CELF2: variants seen among roughly 807,000 people sequenced by gnomAD.
CELF2 encodes the protein CUG triplet repeat RNA-binding protein 2.
A neutral mutation model predicts 62.6 loss-of-function variants in CELF2; 8 were observed. The observed-to-expected ratio is 0.13, with a 90% confidence interval of 0.07 to 0.23. CELF2 has a LOEUF of 0.23. CELF2 is among the 10% of genes least tolerant of loss of function. The pLI, the probability that CELF2 is intolerant of heterozygous loss-of-function variation, is 1.00. For synonymous variants in CELF2, 258 were observed against 250.0 expected, an observed-to-expected ratio of 1.03 and a Z score of -0.30; for missense variants, 333 against 671.0, an observed-to-expected ratio of 0.50 and a Z score of 5.56.
chr10:11,038,959 A>G (rs1371096330), intron 1 of CELF2, among the ~76,000 whole-genome samples: 7 of 152,210 alleles, frequency 4.6e-5, no homozygotes, highest in Admixed American at 3.9e-4. Context: ...GAGGTGGAGC[A>G]GGGCCTCCTG....
chr10:10,608,678 C>T, the CELF2 span, among the ~76,000 whole-genome samples: 1 of 152,130 alleles, frequency 6.6e-6, no homozygotes, highest in East Asian at 1.9e-4. Flanking sequence ...GTCCTATAAT[C>T]TATACATTTC....
chr10:10,739,050 A>T, the CELF2 span, among the ~76,000 whole-genome samples: 7 of 152,272 alleles, frequency 4.6e-5, no homozygotes, highest in African/African-American at 1.4e-4. Context: ...ATTTAAAAGC[A>T]CAGAATCGAG....
In CELF2 at chr10:10,810,986, G is replaced by A. The variant is rs1216534430; in HGVS notation, c.53+12169G>A. 3.3e-5 allele frequency among the ~76,000 whole-genome samples: 5 copies of A among 152,214 alleles called. No homozygotes were observed. In the South Asian group the frequency reaches 1.0e-3, roughly 32 times the overall value. On this transcript the variant is annotated intron_variant, in intron 1 of 13. Coordinates refer to the CELF2 transcript ENST00000636488. ...AAGGTCCCCTTTGAAAGAAGCCTGG[G>A]ACTCTCTTCCAGCTTCAGAGAGTAT...
At chr10:10,956,326 T>C (rs2048893026) in intron 2 of CELF2, among the ~76,000 whole-genome samples, 1 of 152,222 alleles carries the variant, frequency 6.6e-6, no homozygotes, top group Admixed American at 6.5e-5. Context: ...TTTAAAATGC[T>C]TTTCTGGAGA....
At chr10:11,253,644 C>T (rs930720248) in intron 4 of CELF2, among the ~76,000 whole-genome samples, 1 of 152,166 alleles carries the variant, frequency 6.6e-6, no homozygotes. Flanking sequence ...TTAGCGCAGA[C>T]TTACAATTAG....
chr10:10,619,759 A>G, the CELF2 span, among the ~76,000 whole-genome samples: 1 of 152,104 alleles, frequency 6.6e-6, no homozygotes, highest in African/African-American at 2.4e-5. Context: ...TTGGAAAAAC[A>G]TTTTCCTAAG....
At chr10:10,862,129 A>C (rs2060077040) in intron 1 of CELF2, among the ~76,000 whole-genome samples, 1 of 152,252 alleles carries the variant, frequency 6.6e-6, no homozygotes, top group Non-Finnish European at 1.5e-5. Flanking sequence ...GATGGTAATG[A>C]ATAGAAGACA....
At chr10:10,685,512 A>AT in the CELF2 span, among the ~76,000 whole-genome samples, 4 of 152,222 alleles carry the variant, frequency 2.6e-5, no homozygotes, top group African/African-American at 9.6e-5. Flanking sequence ...CATTCTGTAG[A>AT]TTCACTTCTA....
rs933350345 is a variant in CELF2, at chr10:11,211,701, A to T, written c.272-5724A>T. On this transcript the variant is annotated intron_variant, in intron 2 of 12. Transcript: ENST00000633077. This position sits in a 1 kb window ranked among gnomAD's most constrained non-coding sequence, Gnocchi z 4.8. ...AGGATAAATCTACTTGATCATTTAA[A>T]ATTAAAGTCTTTCAGTACAGTTGAG... is the stretch of plus-strand genomic sequence containing the variant. 6.6e-6 allele frequency among the ~76,000 whole-genome samples: 1 copy of T among 152,126 alleles called. No homozygotes were observed. Among genetic ancestry groups the T allele is most frequent in the African/African-American group, 2.4e-5 (1 of 41,408 alleles).
chr10:10,691,060 G>C, the CELF2 span, among the ~76,000 whole-genome samples: 2 of 152,022 alleles, frequency 1.3e-5, no homozygotes, highest in Non-Finnish European at 2.9e-5. Flanking sequence ...CATTGTGCAG[G>C]TTAGTTACAT....
intron 3 of CELF2, among the ~76,000 whole-genome samples, 190 bp from the exon 4 acceptor site, chr10:11,248,963 A>G (rs2076375714): frequency 1.3e-5 from 2 of 152,258 alleles, no homozygotes; most frequent in Admixed American, 6.5e-5. Context: ...GGGCCCCGTG[A>G]CTTCAAAGGG....
chr10:10,675,206 T>G, the CELF2 span, among the ~76,000 whole-genome samples: 61 of 152,326 alleles, frequency 4.0e-4, no homozygotes, highest in African/African-American at 1.4e-3. Flanking sequence ...TTTATTTTTC[T>G]AAGAAAGTCC....
chr10:10,943,841 A>G (rs2047337155), intron 2 of CELF2, among the ~76,000 whole-genome samples: 1 of 149,444 alleles, frequency 6.7e-6, no homozygotes, highest in Non-Finnish European at 1.5e-5. Context: ...ACCTCAGGTG[A>G]TCTGCTTGCC....
At chr10:10,602,082 C>G in the CELF2 span, among the ~76,000 whole-genome samples, 1 of 152,120 alleles carries the variant, frequency 6.6e-6, no homozygotes, top group African/African-American at 2.4e-5. Flanking sequence ...TTCCTTTTTA[C>G]GGCTGCATAG....
At chr10:11,077,383 C>T (rs570339295) in intron 1 of CELF2, among the ~76,000 whole-genome samples, 1 of 152,272 alleles carries the variant, frequency 6.6e-6, no homozygotes, top group East Asian at 1.9e-4. Flanking sequence ...CTGAAATAAT[C>T]CCAAGTGGGT....
the CELF2 span, among the ~76,000 whole-genome samples, chr10:10,757,341 C>G: frequency 6.6e-6 from 1 of 152,142 alleles, no homozygotes; most frequent in South Asian, 2.1e-4. Flanking sequence ...CACCTGTAGT[C>G]CCAGCTACTC....
At chr10:11,123,152 CT>C in intron 1 of CELF2, among the ~76,000 whole-genome samples, 1 of 152,236 alleles carries the variant, frequency 6.6e-6, no homozygotes, top group Admixed American at 6.5e-5. Flanking sequence ...GGAGGAGGCA[CT>C]TTTTACAGCC....
intron 1 of CELF2, among the ~76,000 whole-genome samples, chr10:10,892,189 T>C (rs915273835): frequency 6.6e-5 from 10 of 152,136 alleles, no homozygotes; most frequent in African/African-American, 1.7e-4. Flanking sequence ...AAAAGAAGCA[T>C]AGGGGTAAGC....
At chr10:10,712,563 T>C in the CELF2 span, among the ~76,000 whole-genome samples, 1 of 152,134 alleles carries the variant, frequency 6.6e-6, no homozygotes, top group Non-Finnish European at 1.5e-5. Flanking sequence ...TGGTTTCAAA[T>C]ACAACCAGCA....
Sources: allele counts gnomAD v4.1 joint callset (sites outside exome capture counted in the v4.1 genomes callset), GRCh38; gene constraint gnomAD v4.1.1; non-coding constraint Gnocchi (gnomAD v3.1); transcripts MANE v1.5; gene names NCBI Gene and HGNC (gene_info 2026-07-23, HGNC 2026-07-21).